Variants in ACTR8 observed in about 807,000 individuals in gnomAD.
ACTR8 encodes actin-related protein 8.
In ACTR8, 70 loss-of-function variants were observed where a neutral mutation model predicts 84.3. That is an observed-to-expected ratio of 0.83 (90% confidence interval 0.68 to 1.01). The LOEUF (loss-of-function observed/expected upper bound fraction) is 1.01. Among genes scored for constraint, ACTR8 ranks in the 50% least tolerant of loss-of-function variants. ACTR8 has a pLI of 0.00. For missense variants in ACTR8, 672 were observed against 775.4 expected, an observed-to-expected ratio of 0.87 and a Z score of 1.58; for synonymous variants, 268 against 275.2, an observed-to-expected ratio of 0.97 and a Z score of 0.26.
the ACTR8 span, chr3:53,860,300 C>T: frequency 8.2e-7 from 1 of 1,224,950 alleles, no homozygotes; most frequent in East Asian, 2.3e-5. Flanking sequence ...AAAGAAGATT[C>T]CTCTGGAGGC....
At chr3:53,871,756 A>G (rs1052650339) in intron 10 of ACTR8, among the ~76,000 whole-genome samples, 2 of 152,186 alleles carry the variant, frequency 1.3e-5, no homozygotes, top group African/African-American at 4.8e-5. Flanking sequence ...TTAGATTTTA[A>G]AAGTGAAATA....
intron 8 of ACTR8, among the ~76,000 whole-genome samples, 157 bp downstream of exon 8, chr3:53,874,054 G>A (rs1345196367): frequency 6.6e-6 from 1 of 152,082 alleles, no homozygotes; most frequent in Non-Finnish European, 1.5e-5. Flanking sequence ...TTGATCTCCT[G>A]ACCTCATGAT....
downstream of ACTR8, among the ~76,000 whole-genome samples, chr3:53,862,329 T>C (rs1699591873): frequency 6.6e-6 from 1 of 152,098 alleles, no homozygotes; most frequent in East Asian, 1.9e-4. Context: ...GTCAACACTA[T>C]GGACGAGAAC....
Position 53,869,997 on chromosome 3 carries a change from C to T in ACTR8, c.1716G>A (p.Val572=), listed in dbSNP as rs777986914. Residue 572 remains valine (V), a synonymous_variant, in exon 12 of 13, where the codon GTG becomes GTA. Coordinates refer to ENST00000335754, the MANE Select transcript of ACTR8 (RefSeq NM_022899.5). The stretch of plus-strand genomic sequence containing the variant: ...AACAACCTACCTTAGGCCTTGTGAT[C>T]ACATCCACATTTTCAATAATTCGCC... The part of the protein sequence containing the change: ...SFRRIIENVD[V]ITRPKDMDPR... The T allele has an allele frequency of 1.9e-6, 3 of 1,614,026 alleles. No individual in the cohort carries two copies. The highest frequency in any genetic ancestry group is 1.7e-6 in the Non-Finnish European group (2 of 1,180,018).
At chr3:53,876,121 A>G in intron 6 of ACTR8, 41 bp from the exon 7 acceptor site, 1 of 1,608,506 alleles carries the variant, frequency 6.2e-7, no homozygotes, top group Non-Finnish European at 8.5e-7. Context: ...CATTAGCTGT[A>G]GCACGGTAAA....
Position 53,878,341 on chromosome 3 carries a change from G to A in ACTR8, c.405+16C>T. On this transcript the variant is annotated intron_variant, in intron 3 of 12. Coordinates refer to ENST00000335754, the MANE Select transcript of ACTR8 (RefSeq NM_022899.5). ...ATAGTGGTGATAAAAGAATAAATCT[G>A]AAGAGTTAATCGAACCTGTTCAGGG... 1 of 1,524,882 alleles carries A rather than the reference G, an allele frequency of 6.6e-7. No individual in the cohort carries two copies. Among genetic ancestry groups the A allele is most frequent in the Non-Finnish European group, 9.1e-7 (1 of 1,099,396 alleles). The allele number at this position is 1,524,882 out of a possible 1,614,324, so 94.5% of individuals were successfully genotyped here. A position where few individuals can be genotyped will look rare whatever the true frequency, so the allele number is the denominator to read the frequency against.
At chr3:53,859,060 G>A in the ACTR8 span, 1 of 410,602 alleles carries the variant, frequency 2.4e-6, no homozygotes. Context: ...ACACAGAAGG[G>A]AAAAAAATAC....
downstream of ACTR8, among the ~76,000 whole-genome samples, chr3:53,864,470 G>C (rs1456656806): frequency 3.3e-5 from 5 of 152,152 alleles, no homozygotes; most frequent in Non-Finnish European, 5.9e-5. Flanking sequence ...AGGAGGCGGA[G>C]GTTGTAGTCA....
chr3:53,877,447 ATTC>A, intron 4 of ACTR8, 60 bp from the exon 5 acceptor site: 1 of 1,493,614 alleles, frequency 6.7e-7, no homozygotes, highest in Non-Finnish European at 9.0e-7. Flanking sequence ...GGTTTTCTGG[ATTC>A]ATATCCAAAA....
At chr3:53,866,655 A>G (rs9875962), downstream of ACTR8, among the ~76,000 whole-genome samples, 34,217 of 91,278 alleles carry the variant, frequency 0.37, 4,683 homozygotes, top group East Asian at 0.61. Flanking sequence ...CTAACTTTTT[A>G]TATTTTTAGT....
chr3:53,871,968 C>G (rs962986817), intron 10 of ACTR8, among the ~76,000 whole-genome samples: 1 of 152,174 alleles, frequency 6.6e-6, no homozygotes, highest in African/African-American at 2.4e-5. Flanking sequence ...ACAAGACCTT[C>G]AATTTGTGCC....
At chr3:53,866,500 G>GAGAC (rs1699783429), downstream of ACTR8, among the ~76,000 whole-genome samples, 1 of 126,718 alleles carries the variant, frequency 7.9e-6, no homozygotes, top group African/African-American at 3.0e-5. Flanking sequence ...TTTTTTTTTT[G>GAGAC]AGACAGAGTT....
intron 9 of ACTR8, among the ~76,000 whole-genome samples, 180 bp from the exon 10 acceptor site, chr3:53,872,704 CT>C (rs890255790): frequency 1.3e-5 from 2 of 152,216 alleles, no homozygotes; most frequent in African/African-American, 4.8e-5. Context: ...AGAAAACTCA[CT>C]CATCATCCAA....
Position 53,870,544 on chromosome 3 carries a change from G to A in ACTR8, c.1568-399C>T, listed in dbSNP as rs139972750. 1.4e-4 allele frequency among the ~76,000 whole-genome samples: 21 copies of A among 152,232 alleles called. No individual in the cohort carries two copies. In the East Asian group the frequency reaches 3.3e-3, roughly 24 times the overall value. ...CGTGCGCCTGTAGTCCCAGCTACTCGGGAGGCTGAGGCAGGAGAATCACTT... is the reference window on the plus strand; with the variant it reads ...CGTGCGCCTGTAGTCCCAGCTACTCAGGAGGCTGAGGCAGGAGAATCACTT... On this transcript the variant is annotated intron_variant, in intron 11 of 12. Transcript: ENST00000335754. This position sits in a 1 kb window ranked among gnomAD's most constrained non-coding sequence, Gnocchi z 4.1.
chr3:53,866,768 A>C (rs1412752462), downstream of ACTR8, among the ~76,000 whole-genome samples: 1 of 152,224 alleles, frequency 6.6e-6, no homozygotes. Flanking sequence ...GGTGTGAGCC[A>C]CGGCGCCTGG....
At chr3:53,881,816 C>A (rs1700066259) in intron 1 of ACTR8, 163 bp downstream of exon 1, 3 of 1,212,118 alleles carry the variant, frequency 2.5e-6, no homozygotes, top group South Asian at 2.9e-5. Context: ...CCTCGGCGTC[C>A]CGGCGCGCCA....
At chr3:53,866,487 AT>A (rs549654602), downstream of ACTR8, among the ~76,000 whole-genome samples, 33 of 148,272 alleles carry the variant, frequency 2.2e-4, no homozygotes, top group Admixed American at 2.7e-4. Flanking sequence ...AATTTTTTAA[AT>A]TTTTTTTTTT....
rs1049755312 is a variant in ACTR8, at chr3:53,876,087, G to GC, written c.779-8_779-7insG. 3.2e-6 allele frequency: 5 copies of GC among 1,582,682 alleles called. No individual in the cohort carries two copies. In the African/African-American group the frequency reaches 6.4e-5, roughly 20 times the overall value. On this transcript the variant is annotated splice_region_variant and splice_polypyrimidine_tract_variant and intron_variant, in intron 6 of 12. Coordinates refer to ENST00000335754, the MANE Select transcript of ACTR8 (RefSeq NM_022899.5). ...TCCTGATGGACCACAATCCCTGGGGGGGGAAAAGAAAAGGCAGAGTAGTCA... is the reference window on the plus strand; with the variant it reads ...TCCTGATGGACCACAATCCCTGGGGGCGGGAAAAGAAAAGGCAGAGTAGTCA...
rs1310277366 is a variant in ACTR8, at chr3:53,878,472, G to A, written c.295-5C>T. 1.3e-6 allele frequency: 2 copies of A among 1,578,614 alleles called. No homozygotes were observed. The highest frequency in any genetic ancestry group is 1.7e-6 in the Non-Finnish European group (2 of 1,152,392). ...TTGTTCATTACTTTCTGGTTTCTGGGGAAAAAATGAAAGATGAGCAGTACA... is the reference window on the plus strand; with the variant it reads ...TTGTTCATTACTTTCTGGTTTCTGGAGAAAAAATGAAAGATGAGCAGTACA... On this transcript the variant is annotated splice_region_variant and splice_polypyrimidine_tract_variant and intron_variant, in intron 2 of 12. Transcript: ENST00000335754.
Sources: allele counts gnomAD v4.1 joint callset (sites outside exome capture counted in the v4.1 genomes callset), GRCh38; gene constraint gnomAD v4.1.1; non-coding constraint Gnocchi (gnomAD v3.1); transcripts MANE v1.5; gene names NCBI Gene and HGNC (gene_info 2026-07-23, HGNC 2026-07-21).